Variants in TSPAN15 observed in about 807,000 individuals in gnomAD.
TSPAN15 encodes the protein tetraspanin-15.
Under a neutral mutation model 34.5 loss-of-function variants are expected in TSPAN15, and 20 were observed. That is an observed-to-expected ratio of 0.58 (90% CI 0.41 to 0.84). The LOEUF is 0.84. TSPAN15 is among the 40% of genes least tolerant of loss of function. The pLI is 0.00. For missense variants in TSPAN15, 313 were observed against 386.1 expected (o/e 0.81, Z 1.59); for synonymous variants, 155 against 153.9 (o/e 1.01, Z -0.05).
chr10:69,544,159 A>C, the TSPAN15 span, among the ~76,000 whole-genome samples: 3 of 152,118 alleles, frequency 2.0e-5, no homozygotes, highest in African/African-American at 7.2e-5. Flanking sequence ...CCCTGACCTG[A>C]GTCATCAAAG....
intron 1 of TSPAN15, among the ~76,000 whole-genome samples, chr10:69,464,350 G>A (rs2133073904): frequency 6.6e-6 from 1 of 152,294 alleles, no homozygotes; most frequent in East Asian, 1.9e-4. Flanking sequence ...TTCCTTCTGT[G>A]GGTTGTGCTG....
rs1008121078 is a variant in TSPAN15, at chr10:69,507,438, G to C, written c.*460G>C. ...GAGCTGTCCATGCAGCCACGCCCAT[G>C]GCCAGGTTGGCCTCTTCTCAGCCTC... On this transcript the variant is annotated 3_prime_UTR_variant, in exon 8 of 8. Coordinates refer to ENST00000373290, the MANE Select transcript of TSPAN15 (RefSeq NM_012339.5). The C allele has an allele frequency of 2.3e-5, 30 of 1,290,750 alleles. No individual in the cohort carries two copies. Among genetic ancestry groups the C allele is most frequent in the Non-Finnish European group, 2.8e-5 (28 of 985,002 alleles). 80.0% of individuals were successfully genotyped at this position (1,290,750 alleles called of 1,614,324 possible).
At chr10:69,511,541 T>G (rs545504276), downstream of TSPAN15, among the ~76,000 whole-genome samples, 159 of 152,326 alleles carry the variant, frequency 1.0e-3, no homozygotes, top group Non-Finnish European at 2.1e-3. Context: ...ATTCATTGAT[T>G]TTTTGAAGGG....
the TSPAN15 span, among the ~76,000 whole-genome samples, chr10:69,514,018 A>G: frequency 2.6e-5 from 4 of 152,242 alleles, no homozygotes; most frequent in African/African-American, 9.6e-5. Context: ...ATCATTAAGT[A>G]TAATGTTAGA....
At position 69,490,268 on chromosome 10, in the gene TSPAN15, C is replaced by T. The variant is rs567285642; in HGVS notation, c.357+5053C>T. Among the ~76,000 whole-genome samples, 4 of 152,336 alleles carry T rather than the reference C, an allele frequency of 2.6e-5. No individual in the cohort carries two copies. The South Asian group carries it at 8.3e-4, about 32-fold the overall frequency. ...CCAACACCTGAATATATAAAGTTTT[C>T]CCTTGGTGTCCGACGGGGATTGGTT... On this transcript the variant is annotated intron_variant, in intron 3 of 7. Coordinates refer to ENST00000373290, the MANE Select transcript of TSPAN15 (RefSeq NM_012339.5).
intron 3 of TSPAN15, among the ~76,000 whole-genome samples, chr10:69,488,341 G>C (rs1841898962): frequency 6.6e-6 from 1 of 152,138 alleles, no homozygotes; most frequent in African/African-American, 2.4e-5. Flanking sequence ...TGGAGAAAAA[G>C]GTGAGGAGCA....
At chr10:69,495,805 G>T (rs1842068201) in intron 4 of TSPAN15, 116 bp downstream of exon 4, 1 of 733,292 alleles carries the variant, frequency 1.4e-6, no homozygotes. Context: ...CCCAAAGCAG[G>T]TGGCTGGCCA....
chr10:69,459,810 C>T (rs1232818883), intron 1 of TSPAN15, among the ~76,000 whole-genome samples: 3 of 144,754 alleles, frequency 2.1e-5, no homozygotes, highest in South Asian at 2.2e-4. Context: ...GAGATGCCTC[C>T]TCTGTGGGTA....
chr10:69,482,643 G>A (rs1841758505), intron 1 of TSPAN15, among the ~76,000 whole-genome samples: 1 of 152,180 alleles, frequency 6.6e-6, no homozygotes, highest in African/African-American at 2.4e-5. Flanking sequence ...GAAAGCCGTG[G>A]TGTGAGCAGT....
intron 3 of TSPAN15, 185 bp from the exon 4 acceptor site, chr10:69,495,409 G>A (rs993539015): frequency 2.9e-5 from 17 of 586,750 alleles, no homozygotes; most frequent in African/African-American, 1.3e-4. Flanking sequence ...CTGGAGGCAC[G>A]GGGAGGATGT....
chr10:69,470,280 C>T (rs763826065), intron 1 of TSPAN15, among the ~76,000 whole-genome samples: 2 of 152,202 alleles, frequency 1.3e-5, no homozygotes, highest in Non-Finnish European at 2.9e-5. Flanking sequence ...GCTATCTGGC[C>T]ACACCATGGT....
downstream of TSPAN15, among the ~76,000 whole-genome samples, chr10:69,509,376 T>C (rs1436940151): frequency 1.3e-5 from 2 of 152,000 alleles, no homozygotes; most frequent in South Asian, 2.1e-4. Flanking sequence ...AAATATCTTA[T>C]TTTTTTTGAG....
At chr10:69,467,152 T>C (rs2394568) in intron 1 of TSPAN15, among the ~76,000 whole-genome samples, 60,363 of 151,772 alleles carry the variant, frequency 0.4, 12,471 homozygotes, top group Non-Finnish European at 0.45. Flanking sequence ...GAGACCCTCC[T>C]TCTCCCTTCC....
chr10:69,455,610 C>CTTTCTTTCTTTCTTTCTTTCTT (rs1564595618), intron 1 of TSPAN15, among the ~76,000 whole-genome samples: 7 of 87,488 alleles, frequency 8.0e-5, no homozygotes, highest in Non-Finnish European at 5.1e-5. Flanking sequence ...CTTTCTTTCT[C>CTTTCTTTCTTTCTTTCTTTCTT]TCTCTCTCTC....
intron 1 of TSPAN15, among the ~76,000 whole-genome samples, chr10:69,473,619 T>G (rs1473928251): frequency 6.6e-6 from 1 of 152,130 alleles, no homozygotes; most frequent in Non-Finnish European, 1.5e-5. Context: ...GGGGTTGTCA[T>G]GCCAACTGGG....
chr10:69,546,704 C>T, the TSPAN15 span, among the ~76,000 whole-genome samples: 1 of 152,204 alleles, frequency 6.6e-6, no homozygotes, highest in African/African-American at 2.4e-5. Context: ...ATCTCTCCTG[C>T]ACCTCCCCTC....
intron 3 of TSPAN15, among the ~76,000 whole-genome samples, chr10:69,490,347 T>G (rs1319928151): frequency 6.6e-6 from 1 of 152,150 alleles, no homozygotes; most frequent in Non-Finnish European, 1.5e-5. Context: ...CTCAAGTCCT[T>G]TATATAAAAT....
intron 1 of TSPAN15, 134 bp downstream of exon 1, chr10:69,451,824 T>C: frequency 1.6e-6 from 1 of 609,158 alleles, no homozygotes; most frequent in Non-Finnish European, 2.4e-6. Context: ...ACTCCTTGTC[T>C]TTCTACCTCA....
chr10:69,496,155 T>G (rs1864590), intron 4 of TSPAN15, among the ~76,000 whole-genome samples: 17,910 of 151,854 alleles, frequency 0.12, 1,122 homozygotes, highest in South Asian at 0.13. Flanking sequence ...GTTAAAGACA[T>G]CCCTGATTGG....
Sources: gnomAD v4.1 joint callset for allele counts (sites outside exome capture counted in the v4.1 genomes callset) on GRCh38, gnomAD v4.1.1 for gene constraint, MANE v1.5 for transcripts, NCBI Gene and HGNC (gene_info 2026-07-23, HGNC 2026-07-21) for gene names.